BBS4: variants seen among roughly 807,000 people sequenced by gnomAD.
BBS4 encodes BBSome complex member BBS4.
In BBS4, 58 loss-of-function variants were observed where a neutral mutation model predicts 71.4. That is an observed-to-expected ratio of 0.81 (90% confidence interval 0.66 to 1.01). The LOEUF (loss-of-function observed/expected upper bound fraction) is 1.01. Among genes scored for constraint, BBS4 ranks in the 50% least tolerant of loss-of-function variants. BBS4 has a pLI of 0.00. For missense variants in BBS4, 660 were observed against 607.9 expected (o/e 1.09, Z -0.90); for synonymous variants, 228 against 216.8 (o/e 1.05, Z -0.46).
intron 3 of BBS4, among the ~76,000 whole-genome samples, chr15:72,710,712 T>A (rs1240285038): frequency 6.6e-6 from 1 of 152,186 alleles, no homozygotes; most frequent in Non-Finnish European, 1.5e-5. Flanking sequence ...CTAAGGTTTT[T>A]AATTTATACC....
At chr15:72,697,779 C>T (rs1281220896) in intron 2 of BBS4, among the ~76,000 whole-genome samples, 1 of 152,164 alleles carries the variant, frequency 6.6e-6, no homozygotes, top group Admixed American at 6.5e-5. Context: ...CATATTCTCT[C>T]AAAGTTTGAC....
intron 6 of BBS4, among the ~76,000 whole-genome samples, chr15:72,718,295 T>C (rs986941564): frequency 1.3e-5 from 2 of 152,242 alleles, no homozygotes; most frequent in Admixed American, 1.3e-4. Flanking sequence ...ATTTTTAATT[T>C]CCAAAAATCT....
intron 12 of BBS4, among the ~76,000 whole-genome samples, chr15:72,733,288 C>T (rs1240457342): frequency 6.6e-6 from 1 of 151,972 alleles, no homozygotes; most frequent in African/African-American, 2.4e-5. Context: ...AGACTCCATT[C>T]CTCTCTCTTT....
At chr15:72,689,804 A>AT (rs1263028226) in intron 1 of BBS4, among the ~76,000 whole-genome samples, 2 of 150,614 alleles carry the variant, frequency 1.3e-5, no homozygotes, top group Admixed American at 1.3e-4. Flanking sequence ...TTATTTATTT[A>AT]TTTATTTATT....
At chr15:72,734,431 G>A (rs1381529488) in intron 12 of BBS4, among the ~76,000 whole-genome samples, 1 of 152,196 alleles carries the variant, frequency 6.6e-6, no homozygotes, top group Admixed American at 6.5e-5. Flanking sequence ...TGTTAGTGGG[G>A]GTTAGTGTTA....
chr15:72,726,012 T>C (rs1315659439), intron 8 of BBS4, among the ~76,000 whole-genome samples: 1 of 129,962 alleles, frequency 7.7e-6, no homozygotes, highest in Non-Finnish European at 1.6e-5. Context: ...CCTCCCTCTC[T>C]CCCTTCCTTC....
At chr15:72,731,268 G>A (rs1313705904) in intron 10 of BBS4, 37 bp from the exon 11 acceptor site, 2 of 1,613,296 alleles carry the variant, frequency 1.2e-6, no homozygotes, top group Admixed American at 3.3e-5. Context: ...AGCCTTTTGG[G>A]AATGACTGAA....
chr15:72,730,816 GA>G (rs776296018), intron 10 of BBS4, among the ~76,000 whole-genome samples: 1 of 152,158 alleles, frequency 6.6e-6, no homozygotes, highest in Non-Finnish European at 1.5e-5. Context: ...TTTCCTTAGA[GA>G]AATGAAAGGG....
chr15:72,694,444 G>C lies in BBS4; in HGVS notation c.25-733G>C, dbSNP rs58923373. Among the ~76,000 whole-genome samples the C allele has an allele frequency of 5.3e-4, 80 of 152,284 alleles. 1 individual carries two copies. The East Asian group carries it at 0.013, about 25-fold the overall frequency. On this transcript the variant is annotated intron_variant, in intron 1 of 15. Coordinates refer to ENST00000268057, the MANE Select transcript of BBS4 (RefSeq NM_033028.5). ...GACCTCAAGTGATCCTCTCGCCTTGGCCTCTCAAATAACTGTCCTTTCTTT... is the reference window on the plus strand; with the variant it reads ...GACCTCAAGTGATCCTCTCGCCTTGCCCTCTCAAATAACTGTCCTTTCTTT...
chr15:72,708,459 G>A (rs1043068614), intron 2 of BBS4, among the ~76,000 whole-genome samples: 3 of 152,088 alleles, frequency 2.0e-5, no homozygotes, highest in Admixed American at 6.6e-5. Context: ...ATCTTCGTAA[G>A]CTGAGGATGT....
intron 2 of BBS4, among the ~76,000 whole-genome samples, chr15:72,703,021 C>T (rs886317081): frequency 1.3e-5 from 2 of 150,912 alleles, no homozygotes; most frequent in East Asian, 3.9e-4. Context: ...TTTTTTTAGC[C>T]GGGATGGTCT....
At position 72,702,802 on chromosome 15, in the gene BBS4, C is replaced by CTTTTTTTTTTT. The variant is rs59816410; in HGVS notation, c.77-6885_77-6875dup. Among the ~76,000 whole-genome samples, 36 of 73,492 alleles carry CTTTTTTTTTTT rather than the reference C, an allele frequency of 4.9e-4. 1 individual carries two copies. Among genetic ancestry groups the CTTTTTTTTTTT allele is most frequent in the Non-Finnish European group, 6.2e-4 (25 of 40,222 alleles). The allele number at this position is 73,492 out of a possible 152,430, so 48.2% of individuals were successfully genotyped here. ...TTTTTGGTATAGTGAGGAGCTGACT[C>CTTTTTTTTTTT]TTTTTTTTTTTTTTTTTTTTTTTGA... On this transcript the variant is annotated intron_variant, in intron 2 of 15. Coordinates refer to ENST00000268057, the MANE Select transcript of BBS4 (RefSeq NM_033028.5).
chr15:72,720,575 A>G (rs1787403182), intron 6 of BBS4, among the ~76,000 whole-genome samples: 1 of 152,012 alleles, frequency 6.6e-6, no homozygotes, highest in African/African-American at 2.4e-5. Context: ...ACAGGGGAAT[A>G]GTAATTCCTC....
At chr15:72,718,510 T>A (rs920019460) in intron 6 of BBS4, among the ~76,000 whole-genome samples, 5 of 152,214 alleles carry the variant, frequency 3.3e-5, no homozygotes, top group African/African-American at 1.2e-4. Context: ...CCTTTGCAGT[T>A]CTTACGGGGC....
chr15:72,698,973 G>A (rs2065125396), intron 2 of BBS4, among the ~76,000 whole-genome samples: 2 of 152,174 alleles, frequency 1.3e-5, no homozygotes, highest in South Asian at 4.1e-4. Flanking sequence ...TCTTTGATAA[G>A]TAGTTACCAA....
At chr15:72,709,669 G>T (rs1346346413) in intron 2 of BBS4, 31 bp from the exon 3 acceptor site, 1 of 1,496,514 alleles carries the variant, frequency 6.7e-7, no homozygotes, top group Admixed American at 1.7e-5. Context: ...TAATGACTGT[G>T]TTGTTTGTTT....
intron 4 of BBS4, among the ~76,000 whole-genome samples, chr15:72,712,868 ATTAACT>A (rs779272465): frequency 5.9e-5 from 9 of 152,296 alleles, no homozygotes; most frequent in South Asian, 2.1e-4. Flanking sequence ...ACAATGATAA[ATTAACT>A]TTAGCTTACT....
chr15:72,707,410 C>G (rs985791280), intron 2 of BBS4, among the ~76,000 whole-genome samples: 2 of 151,986 alleles, frequency 1.3e-5, no homozygotes, highest in Non-Finnish European at 2.9e-5. Context: ...AACTCCTGGA[C>G]TCAAATGATC....
At chr15:72,687,134 T>TTTTTTTTTTTTTTTTTTTTA (rs60080079) in intron 1 of BBS4, among the ~76,000 whole-genome samples, 12 of 140,556 alleles carry the variant, frequency 8.5e-5, no homozygotes, top group South Asian at 2.4e-4. Context: ...CTTTTTTTTT[T>TTTTTTTTTTTTTTTTTTTTA]GAGACGGAGT....
Sources: allele counts gnomAD v4.1 joint callset (sites outside exome capture counted in the v4.1 genomes callset), GRCh38; gene constraint gnomAD v4.1.1; transcripts MANE v1.5; gene names NCBI Gene and HGNC (gene_info 2026-07-23, HGNC 2026-07-21).